The following BRWD3 variants were observed in gnomAD, a reference collection of about 807,000 sequenced individuals.
BRWD3 encodes bromodomain and WD repeat-containing protein 3.
A neutral mutation model predicts 149.7 loss-of-function variants in BRWD3; 10 were observed. The observed-to-expected ratio is 0.07, with a 90% CI of 0.04 to 0.11. The LOEUF (loss-of-function observed/expected upper bound fraction) is 0.11. Among genes scored for constraint, BRWD3 ranks in the 10% least tolerant of loss-of-function variants. The probability of loss-of-function intolerance (pLI) is 1.00; values close to 1 mark genes in which losing one functional copy is unlikely to be tolerated. For missense variants in BRWD3, 940 were observed against 1,373.2 expected, an observed-to-expected ratio of 0.68 and a Z score of 4.99; for synonymous variants, 504 against 456.7, an observed-to-expected ratio of 1.10 and a Z score of -1.32.
chrX:80,702,625 A>G (rs1037328969), intron 24 of BRWD3, among the ~76,000 whole-genome samples: 1 of 112,069 alleles, frequency 8.9e-6, no homozygotes, highest in Non-Finnish European at 1.9e-5. Flanking sequence ...TATCAAAAGA[A>G]ACATCTTAAA....
At chrX:80,680,969 CTT>C (rs904634410) in intron 40 of BRWD3, among the ~76,000 whole-genome samples, 1 of 74,760 alleles carries the variant, frequency 1.3e-5, no homozygotes, top group Non-Finnish European at 2.5e-5. Flanking sequence ...CATGTGGCTA[CTT>C]TTTTTTTTTT....
chrX:80,793,631 C>T lies in BRWD3; in HGVS notation c.322G>A (p.Asp108Asn), dbSNP rs1299993556. Residue 108 changes from aspartate (D) to asparagine (N), a missense_variant, in exon 5 of 41, where the codon GAT (aspartate) becomes AAT (asparagine). Around this residue, in one of 6 missense-constraint regions of BRWD3, gnomAD observed 105 missense variants for 127.7 expected, o/e 0.82. Transcript: ENST00000373275. Reference protein sequence around the residue: ...LGVGRQSLLRDAKDCKSTLWN... With the variant: ...LGVGRQSLLRNAKDCKSTLWN... ...ATTCTGAAAATCTCACCTTTGGCAT[C>T]CCGTAGCAGAGACTGCCGACCAACA... 1.7e-6 allele frequency: 2 copies of T among 1,208,373 alleles called. No homozygotes were observed. Among genetic ancestry groups the T allele is most frequent in the African/African-American group, 1.8e-5 (1 of 56,873 alleles).
At chrX:80,715,646 T>C (rs2073065178) in intron 20 of BRWD3, among the ~76,000 whole-genome samples, 1 of 112,193 alleles carries the variant, frequency 8.9e-6, no homozygotes, top group African/African-American at 3.2e-5. Context: ...AGTGTAAACA[T>C]TTTTTGGCTT....
chrX:80,700,450 A>ATATATATATATATATAT (rs1482829141), intron 24 of BRWD3, among the ~76,000 whole-genome samples: 7 of 99,583 alleles, frequency 7.0e-5, no homozygotes, highest in East Asian at 3.1e-4. Flanking sequence ...ATAACAATAC[A>ATATATATATATATATAT]ATTAGGCCGG....
In BRWD3 at chrX:80,795,352, T is replaced by TAC. The variant is rs200518888; in HGVS notation, c.181-1582_181-1581dup. On this transcript the variant is annotated intron_variant, in intron 4 of 40. Transcript: ENST00000373275. ...TAAGTGCTATAATTGTGTATATATA[T>TAC]ACACACACACACACATGTGTATATA... is the stretch of plus-strand genomic sequence containing the variant. Among the ~76,000 whole-genome samples the TAC allele has an allele frequency of 7.8e-3, 845 of 108,534 alleles. 9 individuals carry two copies. Among genetic ancestry groups the TAC allele is most frequent in the African/African-American group, 0.027 (805 of 29,729 alleles). The allele number at this position is 108,534 out of a possible 115,157, so 94.2% of individuals were successfully genotyped here. A position where few individuals can be genotyped will look rare whatever the true frequency, so the allele number is the denominator to read the frequency against.
chrX:80,707,472 G>A lies in BRWD3; in HGVS notation c.2507C>T (p.Ser836Leu). 1 of 1,211,297 alleles carries A rather than the reference G, an allele frequency of 8.3e-7. No individual in the cohort carries two copies. Among genetic ancestry groups the A allele is most frequent in the Non-Finnish European group, 1.1e-6 (1 of 895,044 alleles). ...CCATTCAACAACAGGATCCTCTACC[G>A]AAGCGTCACTTGTGCCAACAGTTTC... is the stretch of plus-strand genomic sequence containing the variant. ...EDETVGTSDA[S>L]VEDPVVEWQS... Residue 836 changes from serine (S) to leucine (L), a missense_variant, in exon 22 of 41, where the codon TCG (serine) becomes TTG (leucine). Physicochemically the swap from Ser to Leu is moderately radical, Grantham distance 145 (BLOSUM62 -2). Around this residue, in one of 6 missense-constraint regions of BRWD3, gnomAD observed 158 missense variants for 284.0 expected, o/e 0.56. Transcript: ENST00000373275.
intron 8 of BRWD3, among the ~76,000 whole-genome samples, chrX:80,740,643 G>A (rs1365517115): frequency 8.9e-6 from 1 of 111,864 alleles, no homozygotes; most frequent in Non-Finnish European, 1.9e-5. Context: ...CAGCTACTCA[G>A]GAGGTGGAGG....
At chrX:80,718,165 C>T (rs2073098851) in intron 18 of BRWD3, among the ~76,000 whole-genome samples, 1 of 111,457 alleles carries the variant, frequency 9.0e-6, no homozygotes. Context: ...ATCAATAAAA[C>T]TTTCAAAAAT....
rs1486217249 is a variant in BRWD3, at chrX:80,736,046, T to C, written c.856A>G (p.Thr286Ala). The change falls in exon 9 of 41, where the codon ACT (threonine) becomes GCT (alanine). Residue 286 changes from threonine to alanine, a missense_variant. Thr to Ala is a moderately conservative substitution (Grantham distance 58). Around this residue, in one of 6 missense-constraint regions of BRWD3, gnomAD observed 209 missense variants for 396.8 expected, o/e 0.53. Coordinates refer to ENST00000373275, the MANE Select transcript of BRWD3 (RefSeq NM_153252.5). ...TKGTNRYLTS[T>A]GADGTICFWQ... is the part of the protein sequence containing the mutation. ...AAACAGATTGTTCCATCAGCACCAG[T>C]AGAAGTGAGGTATCTGTTTGTGCCT... The C allele has an allele frequency of 8.3e-7, 1 of 1,198,682 alleles. No individual in the cohort carries two copies. The highest frequency in any genetic ancestry group is 1.1e-6 in the Non-Finnish European group (1 of 888,915).
In BRWD3 at chrX:80,683,761, T is replaced by C. The variant is rs926569238; in HGVS notation, c.4233+249A>G. On this transcript the variant is annotated intron_variant, in intron 37 of 40. Transcript: ENST00000373275. ...TTTCTATTTATTAAGTCACTTATTA[T>C]ATTAAAGTGTACTTAAATTACTACC... Among the ~76,000 whole-genome samples the C allele has an allele frequency of 8.1e-5, 9 of 111,497 alleles. No individual in the cohort carries two copies. The highest frequency in any genetic ancestry group is 1.5e-4 in the Non-Finnish European group (8 of 52,962).
intron 4 of BRWD3, among the ~76,000 whole-genome samples, chrX:80,794,500 G>A (rs985369917): frequency 6.5e-5 from 7 of 107,461 alleles, no homozygotes; most frequent in Admixed American, 4.0e-4. Flanking sequence ...GAGAGACCTC[G>A]ACTCAAAAAA....
rs1406742927 is a variant in BRWD3, at chrX:80,793,728, A to G, written c.225T>C (p.Ile75=). The change falls in exon 5 of 41, where the codon ATT becomes ATC. Residue 75 remains isoleucine (I), a synonymous_variant. Coordinates refer to ENST00000373275, the MANE Select transcript of BRWD3 (RefSeq NM_153252.5). ...CTAGTAAAGGACCAATTCTCTCACAAATTTTAAGGAGGTAGTCTGGAGGAA... is the reference window on the plus strand; with the variant it reads ...CTAGTAAAGGACCAATTCTCTCACAGATTTTAAGGAGGTAGTCTGGAGGAA... ...AHIPPDYLLK[I]CERIGPLLDK... The G allele has an allele frequency of 8.3e-7, 1 of 1,208,491 alleles. No individual in the cohort carries two copies. The highest frequency in any genetic ancestry group is 2.2e-5 in the Admixed American group (1 of 45,965).
chrX:80,806,071 A>G (rs1165768907), intron 4 of BRWD3, among the ~76,000 whole-genome samples: 1 of 112,151 alleles, frequency 8.9e-6, no homozygotes. Context: ...AATCAAACCA[A>G]CACTGCACAT....
At chrX:80,764,554 C>G (rs979848471) in intron 6 of BRWD3, among the ~76,000 whole-genome samples, 4 of 109,449 alleles carry the variant, frequency 3.7e-5, no homozygotes, top group Non-Finnish European at 5.7e-5. Context: ...ACCTCGTGAT[C>G]TGCCTGCCTC....
chrX:80,799,048 C>G (rs1292296250), intron 4 of BRWD3, among the ~76,000 whole-genome samples: 1 of 112,025 alleles, frequency 8.9e-6, no homozygotes, highest in Non-Finnish European at 1.9e-5. Context: ...TAACACAAAG[C>G]TGCAAAGCAA....
At chrX:80,791,395 C>G (rs1183828522) in intron 6 of BRWD3, among the ~76,000 whole-genome samples, 1 of 110,857 alleles carries the variant, frequency 9.0e-6, no homozygotes, top group Non-Finnish European at 1.9e-5. Context: ...CAGAGATGTC[C>G]CAAGAATAAT....
At chrX:80,716,419 G>A (rs2073074615) in intron 19 of BRWD3, among the ~76,000 whole-genome samples, 169 bp from the exon 20 acceptor site, 1 of 112,181 alleles carries the variant, frequency 8.9e-6, no homozygotes, top group African/African-American at 3.2e-5. Flanking sequence ...ACCATTACCA[G>A]CATTTCCAAA....
At chrX:80,792,706 G>A (rs1263404598) in intron 5 of BRWD3, among the ~76,000 whole-genome samples, 2 of 111,042 alleles carry the variant, frequency 1.8e-5, no homozygotes, top group Non-Finnish European at 3.8e-5. Flanking sequence ...TAAATGGGCT[G>A]CTATACCTTA....
intron 23 of BRWD3, among the ~76,000 whole-genome samples, chrX:80,704,174 G>A (rs1309832656): frequency 9.1e-6 from 1 of 110,331 alleles, no homozygotes. Flanking sequence ...AGTCTGCAGT[G>A]TGCTATGATC....
Sources: allele counts gnomAD v4.1 joint callset (sites outside exome capture counted in the v4.1 genomes callset), GRCh38; gene constraint gnomAD v4.1.1; regional missense constraint gnomAD v4.1.1; transcripts MANE v1.5; gene names NCBI Gene and HGNC (gene_info 2026-07-23, HGNC 2026-07-21).